Variants in AGAP3 observed in about 807,000 individuals in gnomAD.
AGAP3 encodes arf-GAP with GTPase, ANK repeat and PH domain-containing protein 3.
Under a neutral mutation model 96.9 loss-of-function variants are expected in AGAP3, and 24 were observed. That is an observed-to-expected ratio of 0.25 (90% CI 0.18 to 0.35). The LOEUF (loss-of-function observed/expected upper bound fraction) is 0.35, where lower values mean the gene tolerates loss of function less well. AGAP3 is among the 10% of genes least tolerant of loss of function. The pLI is 1.00. For missense variants in AGAP3, 876 were observed against 1,254.2 expected (o/e 0.70, Z 4.55); for synonymous variants, 563 against 536.1 (o/e 1.05, Z -0.69).
chr7:151,111,215 A>G (rs1799269416), intron 1 of AGAP3, among the ~76,000 whole-genome samples: 1 of 152,142 alleles, frequency 6.6e-6, no homozygotes, highest in African/African-American at 2.4e-5. Context: ...CCCCGGCTGC[A>G]GGAAGATGTT....
chr7:151,122,946 G>A, intron 8 of AGAP3: 3 of 1,443,478 alleles, frequency 2.1e-6, no homozygotes, highest in Non-Finnish European at 2.7e-6. Flanking sequence ...CCCCAGGGAA[G>A]GCTAGGAGCG....
chr7:151,121,562 A>T (rs577250885), intron 8 of AGAP3, among the ~76,000 whole-genome samples: 1 of 150,772 alleles, frequency 6.6e-6, no homozygotes, highest in South Asian at 2.1e-4. Context: ...CTGCCCTGCT[A>T]CCCTCTCCTC....
At position 151,117,742 on chromosome 7, in the gene AGAP3, C is replaced by T. The variant is rs1799666104; in HGVS notation, c.671C>T (p.Ala224Val). Reference protein sequence around the residue: ...YFLRLCSFRNASEVPMVLVGT... With the variant: ...YFLRLCSFRNVSEVPMVLVGT... ...CTGCGTCTCTGCAGCTTCCGCAACG[C>T]CAGCGAGGTGCCCATGGTGCTTGTG... Residue 224 changes from alanine to valine, a missense_variant, in exon 5 of 18, where the codon GCC (alanine) becomes GTC (valine). Ala to Val is a moderately conservative substitution (Grantham distance 64). Around this residue, in one of 8 missense-constraint regions of AGAP3, gnomAD observed 131 missense variants for 304.5 expected, o/e 0.43. Coordinates refer to ENST00000397238, the MANE Select transcript of AGAP3 (RefSeq NM_031946.7). 1 of 1,614,056 alleles carries T rather than the reference C, an allele frequency of 6.2e-7. No homozygotes were observed. The highest frequency in any genetic ancestry group is 1.3e-5 in the African/African-American group (1 of 74,934).
At chr7:151,089,138 T>G (rs1798279324) in intron 1 of AGAP3, among the ~76,000 whole-genome samples, 1 of 152,060 alleles carries the variant, frequency 6.6e-6, no homozygotes, top group Non-Finnish European at 1.5e-5. Flanking sequence ...GCGTTCCCAC[T>G]TTTCTGCTGT....
intron 1 of AGAP3, among the ~76,000 whole-genome samples, chr7:151,106,985 T>C (rs962685712): frequency 6.6e-6 from 1 of 152,198 alleles, no homozygotes; most frequent in Non-Finnish European, 1.5e-5. Flanking sequence ...AGTGCAATGA[T>C]TTGAACACTT....
Position 151,143,312 on chromosome 7 carries a change from C to T in AGAP3, c.2274-29C>T, listed in dbSNP as rs990995652. 1.3e-6 allele frequency: 2 copies of T among 1,590,552 alleles called. No individual in the cohort carries two copies. The highest frequency in any genetic ancestry group is 1.7e-6 in the Non-Finnish European group (2 of 1,166,240). On this transcript the variant is annotated intron_variant, in intron 16 of 17. Transcript: ENST00000397238. This position sits in a 1 kb window ranked among gnomAD's most constrained non-coding sequence, Gnocchi z 5.9. ...CCCGTTGCTCGGTGACCTTCCTTGG[C>T]TCATGCCCTGATGGGCCTGTGGTTG... is the stretch of plus-strand genomic sequence containing the variant.
Position 151,141,483 on chromosome 7 carries a change from C to A in AGAP3, c.1805-415C>A. 1 of 204,546 alleles carries A rather than the reference C, an allele frequency of 4.9e-6. No individual in the cohort carries two copies. Among genetic ancestry groups the A allele is most frequent in the Non-Finnish European group, 1.0e-5 (1 of 100,448 alleles). The allele number at this position is 204,546 out of a possible 1,614,324, so 12.7% of individuals were successfully genotyped here. ...TGCAAAATGAGGCGGCTGCAGCTGACATGTACGGATGGTGCCCACACCCGC... is the reference window on the plus strand; with the variant it reads ...TGCAAAATGAGGCGGCTGCAGCTGAAATGTACGGATGGTGCCCACACCCGC... On this transcript the variant is annotated intron_variant, in intron 13 of 17. Coordinates refer to ENST00000397238, the MANE Select transcript of AGAP3 (RefSeq NM_031946.7). The surrounding 1 kb of genome is among the most constrained non-coding windows in gnomAD (Gnocchi z 4.2).
At position 151,139,749 on chromosome 7, in the gene AGAP3, T is replaced by C; in HGVS notation, c.1667-230T>C. On this transcript the variant is annotated intron_variant, in intron 12 of 17. Coordinates refer to ENST00000397238, the MANE Select transcript of AGAP3 (RefSeq NM_031946.7). The surrounding 1 kb of genome is among the most constrained non-coding windows in gnomAD (Gnocchi z 4.9). ...CTTCCTCCCTTTGCCTCCATCCTGC[T>C]CTGCCTAAGTTTCCTATTCTCTTTC... The C allele has an allele frequency of 5.2e-6, 2 of 381,786 alleles. No homozygotes were observed. Among genetic ancestry groups the C allele is most frequent in the Non-Finnish European group, 9.2e-6 (2 of 216,474 alleles). 23.6% of individuals were successfully genotyped at this position (381,786 alleles called of 1,614,324 possible).
chr7:151,118,163 C>T lies in AGAP3; in HGVS notation c.707-47C>T. 6.4e-7 allele frequency: 1 copy of T among 1,571,560 alleles called. No individual in the cohort carries two copies. The highest frequency in any genetic ancestry group is 1.2e-5 in the South Asian group (1 of 84,808). On this transcript the variant is annotated intron_variant, in intron 5 of 17. Transcript: ENST00000397238. This position sits in a 1 kb window ranked among gnomAD's most constrained non-coding sequence, Gnocchi z 6.1. ...CCAAATGCCCCCCACCACACTACCC[C>T]AGCTTCTCCGAAAGCTGAATGACTC...
At position 151,131,381 on chromosome 7, in the gene AGAP3, A is replaced by G. The variant is rs180702526; in HGVS notation, c.1326+2697A>G. 2.0e-5 allele frequency: 3 copies of G among 152,378 alleles called. No individual in the cohort carries two copies. In the East Asian group the frequency reaches 5.8e-4, roughly 29 times the overall value. The allele number at this position is 152,378 out of a possible 1,614,324, so 9.4% of individuals were successfully genotyped here. On this transcript the variant is annotated intron_variant, in intron 10 of 17. Transcript: ENST00000397238. ...TGAACTCGTTGTTAATTCCAGTAATAAAACGAGATGAGAACGCTGGCTGGG... is the reference window on the plus strand; with the variant it reads ...TGAACTCGTTGTTAATTCCAGTAATGAAACGAGATGAGAACGCTGGCTGGG...
At position 151,140,238 on chromosome 7, in the gene AGAP3, G is replaced by C. The variant is rs1385808701; in HGVS notation, c.1804+122G>C. On this transcript the variant is annotated intron_variant, in intron 13 of 17. Transcript: ENST00000397238. This position sits in a 1 kb window ranked among gnomAD's most constrained non-coding sequence, Gnocchi z 5.4. The stretch of plus-strand genomic sequence containing the variant: ...TCAGTGGATTAAGCACTTTCTAGTA[G>C]TTGCTAATCAAAGTAGTTCTACAGC... The C allele has an allele frequency of 1.9e-5, 22 of 1,164,788 alleles. No individual in the cohort carries two copies. Among genetic ancestry groups the C allele is most frequent in the African/African-American group, 3.2e-5 (2 of 62,646 alleles). 72.2% of individuals were successfully genotyped at this position (1,164,788 alleles called of 1,614,324 possible). A position where few individuals can be genotyped will look rare whatever the true frequency, so the allele number is the denominator to read the frequency against.
intron 9 of AGAP3, among the ~76,000 whole-genome samples, chr7:151,125,617 G>A (rs181492505): frequency 6.6e-6 from 1 of 152,178 alleles, no homozygotes; most frequent in East Asian, 1.9e-4. Flanking sequence ...GGGCGCGTCC[G>A]TTCTCTTCTT....
At chr7:151,132,261 G>A (rs555397689) in intron 10 of AGAP3, among the ~76,000 whole-genome samples, 12 of 152,340 alleles carry the variant, frequency 7.9e-5, no homozygotes, top group Admixed American at 3.3e-4. Flanking sequence ...AGTGTGGGCC[G>A]AGCGGTTGTC....
chr7:151,129,734 G>A (rs1353992656), intron 10 of AGAP3, among the ~76,000 whole-genome samples: 1 of 136,704 alleles, frequency 7.3e-6, no homozygotes, highest in Non-Finnish European at 1.5e-5. Flanking sequence ...TGTCCCACTC[G>A]CGAGTCCTTG....
intron 1 of AGAP3, among the ~76,000 whole-genome samples, chr7:151,104,587 T>G (rs1395134588): frequency 6.6e-6 from 1 of 152,146 alleles, no homozygotes; most frequent in African/African-American, 2.4e-5. Context: ...ATCAGGGGCG[T>G]GCCCATCAGA....
rs760324420 is a variant in AGAP3, at chr7:151,128,703, GCCT to G, written c.1326+23_1326+25del. 2 of 1,599,574 alleles carry G rather than the reference GCCT, an allele frequency of 1.3e-6. No individual in the cohort carries two copies. The highest frequency in any genetic ancestry group is 1.7e-6 in the Non-Finnish European group (2 of 1,167,462). ...CCTGCATGTGAGTCTGGGAGGAGGA[GCCT>G]CCTGGGGGAGTATGGGGAGGGGGTG... On this transcript the variant is annotated intron_variant, in intron 10 of 17. Coordinates refer to ENST00000397238, the MANE Select transcript of AGAP3 (RefSeq NM_031946.7).
intron 1 of AGAP3, among the ~76,000 whole-genome samples, chr7:151,089,120 C>T (rs539909839): frequency 6.6e-6 from 1 of 152,250 alleles, no homozygotes; most frequent in East Asian, 1.9e-4. Context: ...ATCCACCTCA[C>T]CCGTCTTGCG....
At chr7:151,119,927 G>T in intron 7 of AGAP3, 60 bp from the exon 8 acceptor site, 1 of 1,575,202 alleles carries the variant, frequency 6.3e-7, no homozygotes, top group Non-Finnish European at 8.6e-7. Context: ...CCCGGCACCC[G>T]CCTGGTGCCC....
At chr7:151,086,387 C>T (rs1344800759), upstream of AGAP3, among the ~76,000 whole-genome samples, 1 of 45,408 alleles carries the variant, frequency 2.2e-5, no homozygotes, top group South Asian at 7.1e-4. Flanking sequence ...GAGGGGGGCT[C>T]GGGCTGCGTG....
Sources: allele counts gnomAD v4.1 joint callset (sites outside exome capture counted in the v4.1 genomes callset), GRCh38; gene constraint gnomAD v4.1.1; regional missense constraint gnomAD v4.1.1; non-coding constraint Gnocchi (gnomAD v3.1); transcripts MANE v1.5; gene names NCBI Gene and HGNC (gene_info 2026-07-23, HGNC 2026-07-21).